Variants in SLC6A2 observed in about 807,000 individuals in gnomAD.
The protein encoded by SLC6A2 is sodium-dependent noradrenaline transporter.
In SLC6A2, 26 loss-of-function variants were observed where a neutral mutation model predicts 71.7. The observed-to-expected ratio is 0.36, with a 90% CI of 0.27 to 0.50. The LOEUF (loss-of-function observed/expected upper bound fraction) is 0.50, where lower values mean the gene tolerates loss of function less well. Ranked by LOEUF, SLC6A2 falls within the 20% of genes least tolerant of loss-of-function variation. The pLI, the probability that SLC6A2 is intolerant of heterozygous loss-of-function variation, is 0.96. For synonymous variants in SLC6A2, 363 were observed against 337.9 expected (o/e 1.07, Z -0.82); for missense variants, 581 against 803.9 (o/e 0.72, Z 3.35).
rs774002917 is a variant in SLC6A2, at chr16:55,696,359, A to G, written c.1260+22A>G. ...CTCAGTGAGTGACCCTGCTTAGGAT[A>G]CCTATCCCCCATCCCACTGGGCCTG... On this transcript the variant is annotated intron_variant, in intron 9 of 14. Transcript: ENST00000568943. The G allele has an allele frequency of 4.8e-5, 68 of 1,424,698 alleles. 1 individual carries two copies. In the East Asian group the frequency reaches 7.0e-4, roughly 15 times the overall value. The allele number at this position is 1,424,698 out of a possible 1,614,324, so 88.3% of individuals were successfully genotyped here. A position where few individuals can be genotyped will look rare whatever the true frequency, so the allele number is the denominator to read the frequency against.
At chr16:55,680,741 G>T (rs1965244039) in intron 4 of SLC6A2, among the ~76,000 whole-genome samples, 1 of 152,164 alleles carries the variant, frequency 6.6e-6, no homozygotes, top group Admixed American at 6.5e-5. Context: ...ACAGAATGTG[G>T]GTCTGGCCTG....
chr16:55,705,460 C>G lies in SLC6A2; in HGVS notation c.*3114C>G. On this transcript the variant is annotated 3_prime_UTR_variant, in exon 15 of 15. Coordinates refer to ENST00000568943, the MANE Select transcript of SLC6A2 (RefSeq NM_001172501.3). ...TTTGTTTATTTCCTTCGAAAGCCACCGAAGAGAGAAAAACAGAGAAGGTGT... is the reference window on the plus strand; with the variant it reads ...TTTGTTTATTTCCTTCGAAAGCCACGGAAGAGAGAAAAACAGAGAAGGTGT... 1 of 547,270 alleles carries G rather than the reference C, an allele frequency of 1.8e-6. No homozygotes were observed. Among genetic ancestry groups the G allele is most frequent in the East Asian group, 2.9e-5 (1 of 34,978 alleles). 33.9% of individuals were successfully genotyped at this position (547,270 alleles called of 1,614,324 possible). A position where few individuals can be genotyped will look rare whatever the true frequency, so the allele number is the denominator to read the frequency against.
At chr16:55,698,057 G>A (rs1392392968) in intron 10 of SLC6A2, 32 bp downstream of exon 10, 2 of 1,611,788 alleles carry the variant, frequency 1.2e-6, no homozygotes, top group Non-Finnish European at 1.7e-6. Context: ...GGTCACCTGG[G>A]GGCCTCTGAG....
At chr16:55,677,556 C>T (rs2142533346) in intron 4 of SLC6A2, among the ~76,000 whole-genome samples, 1 of 152,298 alleles carries the variant, frequency 6.6e-6, no homozygotes, top group East Asian at 1.9e-4. Flanking sequence ...ACTTTAATTA[C>T]AGCCCTAAGC....
chr16:55,670,926 A>G (rs767391527), intron 3 of SLC6A2, among the ~76,000 whole-genome samples: 3 of 152,182 alleles, frequency 2.0e-5, no homozygotes, highest in Non-Finnish European at 2.9e-5. Flanking sequence ...TTGAAAAGCA[A>G]TGTTGGGCAG....
At chr16:55,667,184 A>T (rs1964776619) in intron 2 of SLC6A2, among the ~76,000 whole-genome samples, 1 of 152,060 alleles carries the variant, frequency 6.6e-6, no homozygotes, top group African/African-American at 2.4e-5. Context: ...GGCATGAGCC[A>T]CTGTGCCTGG....
intron 4 of SLC6A2, among the ~76,000 whole-genome samples, chr16:55,678,761 C>A (rs1965175594): frequency 1.3e-5 from 2 of 151,466 alleles, no homozygotes; most frequent in African/African-American, 2.4e-5. Flanking sequence ...AGTGTGTAGA[C>A]TTCGGAAAGC....
At chr16:55,685,026 G>C in intron 4 of SLC6A2, 117 bp from the exon 5 acceptor site, 1 of 989,908 alleles carries the variant, frequency 1.0e-6, no homozygotes, top group Non-Finnish European at 1.6e-6. Context: ...AGTTAGGGGA[G>C]AGTGGCCAGG....
intron 4 of SLC6A2, among the ~76,000 whole-genome samples, chr16:55,675,660 A>G (rs747293657): frequency 6.6e-6 from 1 of 152,224 alleles, no homozygotes; most frequent in Non-Finnish European, 1.5e-5. Flanking sequence ...GTTACCGAGC[A>G]GTTGAAATGT....
intron 2 of SLC6A2, 117 bp downstream of exon 2, chr16:55,657,085 G>A: frequency 8.5e-7 from 1 of 1,180,414 alleles, no homozygotes; most frequent in Non-Finnish European, 1.2e-6. Flanking sequence ...GGCAAATCTG[G>A]GGCGCAGAAA....
At chr16:55,671,715 T>G in intron 3 of SLC6A2, 1 of 858,208 alleles carries the variant, frequency 1.2e-6, no homozygotes. Context: ...CCTGATGACC[T>G]GAGGTGGAAC....
intron 4 of SLC6A2, among the ~76,000 whole-genome samples, chr16:55,679,645 CA>C (rs1432527744): frequency 6.6e-6 from 1 of 152,178 alleles, no homozygotes; most frequent in Non-Finnish European, 1.5e-5. Flanking sequence ...TTAGGACTAA[CA>C]GGATGAGAAG....
In SLC6A2 at chr16:55,672,297, A is replaced by G; in HGVS notation, c.644+122A>G. On this transcript the variant is annotated intron_variant, in intron 4 of 14. Coordinates refer to ENST00000568943, the MANE Select transcript of SLC6A2 (RefSeq NM_001172501.3). ...GCCGTCAGGATATTAATGTTTACTG[A>G]GCAGCCACTGGCCTGATGCTGGGTG... is the stretch of plus-strand genomic sequence containing the variant. The G allele has an allele frequency of 3.9e-6, 6 of 1,536,956 alleles. No individual in the cohort carries two copies. The Middle Eastern group carries it at 8.7e-4, about 223-fold the overall frequency.
intron 6 of SLC6A2, among the ~76,000 whole-genome samples, chr16:55,693,575 C>G (rs1965704040): frequency 6.6e-6 from 1 of 152,220 alleles, no homozygotes; most frequent in Non-Finnish European, 1.5e-5. Context: ...CCCATTGGCC[C>G]CCAAGGAGTC....
At chr16:55,686,850 T>A (rs1248141266) in intron 5 of SLC6A2, among the ~76,000 whole-genome samples, 1 of 152,224 alleles carries the variant, frequency 6.6e-6, no homozygotes, top group Non-Finnish European at 1.5e-5. Flanking sequence ...AACATTCTGA[T>A]GCCTGGCACC....
At chr16:55,685,325 C>A in intron 5 of SLC6A2, 44 bp downstream of exon 5, 2 of 1,590,972 alleles carry the variant, frequency 1.3e-6, no homozygotes, top group Non-Finnish European at 1.7e-6. Context: ...GGTGATCAAC[C>A]TTGGGGGGTG....
chr16:55,699,827 C>A (rs1374132400), intron 12 of SLC6A2, among the ~76,000 whole-genome samples, 173 bp downstream of exon 12: 1 of 152,026 alleles, frequency 6.6e-6, no homozygotes, highest in Non-Finnish European at 1.5e-5. Flanking sequence ...TAGACATCCA[C>A]CTTACTAGGG....
chr16:55,690,703 CT>C (rs1965591003), intron 5 of SLC6A2, among the ~76,000 whole-genome samples: 1 of 152,174 alleles, frequency 6.6e-6, no homozygotes, highest in Non-Finnish European at 1.5e-5. Context: ...ATTTTATCAT[CT>C]GGGGAGCTTT....
At position 55,691,948 on chromosome 16, in the gene SLC6A2, T is replaced by G; in HGVS notation, c.814T>G (p.Phe272Val). 1 of 1,614,194 alleles carries G rather than the reference T, an allele frequency of 6.2e-7. No homozygotes were observed. Among genetic ancestry groups the G allele is most frequent in the Admixed American group, 1.7e-5 (1 of 60,022 alleles). Reference protein sequence around the residue: ...VVWITATLPYFVLFVLLVHGV... With the variant: ...VVWITATLPYVVLFVLLVHGV... ...GTGGATCACAGCCACGCTGCCTTAC[T>G]TCGTGCTGTTCGTGCTCCTGGTCCA... Residue 272 changes from phenylalanine (F) to valine (V), a missense_variant, in exon 6 of 15, where the codon TTC (phenylalanine) becomes GTC (valine). This residue lies in a region of SLC6A2 where 334 missense variants were observed against 449.0 expected (regional missense o/e 0.74). Coordinates refer to ENST00000568943, the MANE Select transcript of SLC6A2 (RefSeq NM_001172501.3).
Sources: allele counts gnomAD v4.1 joint callset (sites outside exome capture counted in the v4.1 genomes callset), GRCh38; gene constraint gnomAD v4.1.1; regional missense constraint gnomAD v4.1.1; transcripts MANE v1.5; gene names NCBI Gene and HGNC (gene_info 2026-07-23, HGNC 2026-07-21).